TBXAS1: variants seen among roughly 807,000 people sequenced by gnomAD.
The protein encoded by TBXAS1 is thromboxane A synthase 1.
TBXAS1 carries 48 observed loss-of-function variants against 60.7 expected under a neutral mutation model. The observed-to-expected ratio is 0.79, with a 90% CI of 0.63 to 1.01. The LOEUF (loss-of-function observed/expected upper bound fraction) is 1.01. TBXAS1 is among the 50% of genes least tolerant of loss of function. TBXAS1 has a pLI of 0.00. For missense variants in TBXAS1, 685 were observed against 686.3 expected, an observed-to-expected ratio of 1.00 and a Z score of 0.02; for synonymous variants, 287 against 269.7, an observed-to-expected ratio of 1.06 and a Z score of -0.63.
At chr7:139,928,463 A>G (rs1038947943) in intron 4 of TBXAS1, among the ~76,000 whole-genome samples, 1 of 152,194 alleles carries the variant, frequency 6.6e-6, no homozygotes, top group African/African-American at 2.4e-5. Flanking sequence ...TTTGGGGCTC[A>G]GTTTATGCTG....
Position 140,013,034 on chromosome 7 carries a change from G to A in TBXAS1, c.1227-2689G>A, listed in dbSNP as rs573532416. ...TGAAATTGGGCAAGATGAGTGAGCT[G>A]AGATCGCGCCACTGCACTCCAGCCT... On this transcript the variant is annotated intron_variant, in intron 10 of 12. Coordinates refer to ENST00000448866, the MANE Select transcript of TBXAS1 (RefSeq NM_001061.7). The surrounding 1 kb of genome is among the most constrained non-coding windows in gnomAD (Gnocchi z 4.2). 6.7e-6 allele frequency among the ~76,000 whole-genome samples: 1 copy of A among 150,120 alleles called. No homozygotes were observed. The highest frequency in any genetic ancestry group is 6.7e-5 in the Admixed American group (1 of 14,990).
intron 8 of TBXAS1, among the ~76,000 whole-genome samples, chr7:139,958,249 C>T (rs1015567956): frequency 6.6e-6 from 1 of 152,136 alleles, no homozygotes; most frequent in African/African-American, 2.4e-5. Flanking sequence ...TGGAGGATGT[C>T]GCTACAGAAC....
At chr7:139,851,297 C>T (rs890478895) in intron 1 of TBXAS1, among the ~76,000 whole-genome samples, 3 of 152,178 alleles carry the variant, frequency 2.0e-5, no homozygotes, top group Non-Finnish European at 2.9e-5. Flanking sequence ...TTCCTGTGGC[C>T]GGGCTCTAAG....
At chr7:139,956,632 T>C (rs1165247728) in intron 7 of TBXAS1, among the ~76,000 whole-genome samples, 1 of 152,248 alleles carries the variant, frequency 6.6e-6, no homozygotes, top group Non-Finnish European at 1.5e-5. Context: ...TCTGAGCCGA[T>C]GTCCATGGGA....
rs183189679 is a variant in TBXAS1, at chr7:139,962,280, A to G, written c.1134+47A>G. On this transcript the variant is annotated intron_variant, in intron 9 of 12. Transcript: ENST00000448866. Reference sequence around the variant, plus strand: ...TTACCCATGGGATATCCATAGGACAATTGATTTTGTGTTTGTGGGAGTGAA... The same window carrying G: ...TTACCCATGGGATATCCATAGGACAGTTGATTTTGTGTTTGTGGGAGTGAA... 75 of 1,606,080 alleles carry G rather than the reference A, an allele frequency of 4.7e-5. No individual in the cohort carries two copies. In the East Asian group the frequency reaches 1.6e-3, roughly 34 times the overall value.
At chr7:139,856,443 G>A (rs1336287032) in intron 1 of TBXAS1, among the ~76,000 whole-genome samples, 3 of 152,142 alleles carry the variant, frequency 2.0e-5, no homozygotes, top group Admixed American at 1.3e-4. Context: ...GAGGGATGAG[G>A]TTCATAAAAT....
chr7:139,951,951 AAAG>A (rs754223218), intron 5 of TBXAS1, among the ~76,000 whole-genome samples: 21,864 of 45,036 alleles, frequency 0.49, 3,738 homozygotes, highest in Admixed American at 0.54. Flanking sequence ...GAAAGAAAGA[AAAG>A]AAAGAAAGAA....
chr7:139,966,347 T>C (rs1026679989), intron 9 of TBXAS1, among the ~76,000 whole-genome samples: 1 of 152,162 alleles, frequency 6.6e-6, no homozygotes, highest in African/African-American at 2.4e-5. Context: ...CTGTGGACAG[T>C]GATAAAAAAA....
At chr7:140,012,527 C>T (rs1056503119) in intron 10 of TBXAS1, among the ~76,000 whole-genome samples, 17 of 151,200 alleles carry the variant, frequency 1.1e-4, no homozygotes, top group African/African-American at 2.9e-4. Context: ...GGTGCGATCT[C>T]AGCTCACTGC....
Position 139,951,919 on chromosome 7 carries a change from G to A in TBXAS1, c.451-1449G>A, listed in dbSNP as rs1422609702. Among the ~76,000 whole-genome samples the A allele has an allele frequency of 7.1e-3, 599 of 84,534 alleles. 87 individuals carry two copies. Among genetic ancestry groups the A allele is most frequent in the Middle Eastern group, 0.026 (4 of 156 alleles). 55.5% of individuals were successfully genotyped at this position (84,534 alleles called of 152,430 possible). A position where few individuals can be genotyped will look rare whatever the true frequency, so the allele number is the denominator to read the frequency against. On this transcript the variant is annotated intron_variant, in intron 5 of 12. Coordinates refer to ENST00000448866, the MANE Select transcript of TBXAS1 (RefSeq NM_001061.7). ...GGAAGGAAAGAAAGAGAAAGAAAGA[G>A]AGAAAGAAAGAGAGAAAGAAGGAAA... is the stretch of plus-strand genomic sequence containing the variant.
intron 5 of TBXAS1, among the ~76,000 whole-genome samples, chr7:139,951,935 A>G (rs1309282624): frequency 2.5e-5 from 1 of 40,756 alleles, no homozygotes; most frequent in African/African-American, 9.0e-5. Context: ...GAAAGAGAGA[A>G]AGAAGGAAAG....
intron 1 of TBXAS1, among the ~76,000 whole-genome samples, chr7:139,869,495 C>A (rs1801665952): frequency 6.6e-6 from 1 of 152,144 alleles, no homozygotes; most frequent in African/African-American, 2.4e-5. Flanking sequence ...TCAAGAGATT[C>A]TCTTATCTTA....
At chr7:139,829,177 C>T (rs1275310085), upstream of TBXAS1, 3 of 676,202 alleles carry the variant, frequency 4.4e-6, no homozygotes, top group African/African-American at 5.3e-5. Context: ...CTGATTCATT[C>T]CTTTACACTG....
Position 139,957,748 on chromosome 7 carries a change from A to C in TBXAS1, c.803A>C (p.Gln268Pro). The change falls in exon 8 of 13, where the codon CAG becomes CCG. Residue 268 changes from glutamine (Q) to proline (P), a missense_variant. Transcript: ENST00000448866. ...LIRNVIALRD[Q>P]QAAEERRRDF... ...AGGAATGTGATTGCCTTGCGGGACC[A>C]GCAAGCTGCCGAAGAGGTAACGTAT... The C allele has an allele frequency of 6.2e-7, 1 of 1,614,154 alleles. No individual in the cohort carries two copies. Among genetic ancestry groups the C allele is most frequent in the Non-Finnish European group, 8.5e-7 (1 of 1,180,044 alleles).
intron 1 of TBXAS1, among the ~76,000 whole-genome samples, chr7:139,864,789 C>A (rs1801227523): frequency 6.6e-6 from 1 of 152,176 alleles, no homozygotes. Context: ...CATCCCTTTG[C>A]TAACCCCTTG....
At chr7:139,934,191 T>C (rs888279980) in intron 4 of TBXAS1, among the ~76,000 whole-genome samples, 17 of 152,030 alleles carry the variant, frequency 1.1e-4, no homozygotes, top group African/African-American at 4.1e-4. Flanking sequence ...CTTTTTTTTT[T>C]CTTTTGTTTT....
intron 9 of TBXAS1, among the ~76,000 whole-genome samples, chr7:139,988,712 A>T (rs930938020): frequency 2.0e-5 from 3 of 152,052 alleles, no homozygotes; most frequent in Admixed American, 2.0e-4. Flanking sequence ...CACATACAGC[A>T]CTTTCTTGGT....
intron 9 of TBXAS1, among the ~76,000 whole-genome samples, chr7:139,988,034 T>C (rs1812628556): frequency 6.6e-6 from 1 of 152,220 alleles, no homozygotes; most frequent in East Asian, 1.9e-4. Context: ...TCCTATGGAC[T>C]GGGCCAAAGT....
chr7:139,991,113 C>T (rs933972824), intron 9 of TBXAS1, among the ~76,000 whole-genome samples: 3 of 152,172 alleles, frequency 2.0e-5, no homozygotes, highest in South Asian at 2.1e-4. Context: ...AGAGAGCGTG[C>T]GCTCCAATAA....
Sources: gnomAD v4.1 joint callset for allele counts (sites outside exome capture counted in the v4.1 genomes callset) on GRCh38, gnomAD v4.1.1 for gene constraint, Gnocchi (gnomAD v3.1) non-coding constraint, MANE v1.5 for transcripts, NCBI Gene and HGNC (gene_info 2026-07-23, HGNC 2026-07-21) for gene names.